Variants in NRXN1 observed in about 807,000 individuals in gnomAD.
NRXN1 encodes the protein neurexin-1.
Under a neutral mutation model 150.9 loss-of-function variants are expected in NRXN1, and 39 were observed. The ratio of observed to expected loss-of-function variants is 0.26; its 90% CI spans 0.20 to 0.34. The LOEUF (loss-of-function observed/expected upper bound fraction) is 0.34. NRXN1 is among the 10% of genes least tolerant of loss of function. The pLI, the probability that NRXN1 is intolerant of heterozygous loss-of-function variation, is 1.00. For synonymous variants in NRXN1, 924 were observed against 757.0 expected (o/e 1.22, Z -3.62); for missense variants, 1,815 against 1,949.9 (o/e 0.93, Z 1.30).
At chr2:50,493,713 A>G (rs183533211) in intron 15 of NRXN1, among the ~76,000 whole-genome samples, 1 of 152,250 alleles carries the variant, frequency 6.6e-6, no homozygotes, top group African/African-American at 2.4e-5. Context: ...TCACATACCC[A>G]ATTTGTTAGC....
chr2:50,974,196 A>G (rs1472952034), intron 2 of NRXN1, among the ~76,000 whole-genome samples: 2 of 152,160 alleles, frequency 1.3e-5, no homozygotes, highest in Admixed American at 1.3e-4. Flanking sequence ...TACTATTTCA[A>G]TAAAAGTTAT....
chr2:50,005,591 T>C (rs1334722549), intron 21 of NRXN1, among the ~76,000 whole-genome samples: 1 of 152,028 alleles, frequency 6.6e-6, no homozygotes, highest in Admixed American at 6.6e-5. Context: ...GCAAATAACT[T>C]CTCATTACTA....
intron 18 of NRXN1, among the ~76,000 whole-genome samples, chr2:50,214,840 C>G (rs912292782): frequency 2.0e-5 from 3 of 152,080 alleles, no homozygotes; most frequent in African/African-American, 7.2e-5. Context: ...CATTCACATC[C>G]TGTTTCATTC....
At chr2:50,284,404 G>C (rs145619084) in intron 17 of NRXN1, among the ~76,000 whole-genome samples, 2 of 152,092 alleles carry the variant, frequency 1.3e-5, no homozygotes, top group East Asian at 3.9e-4. Context: ...ACTAGGTCAG[G>C]GTTTCCCATT....
intron 5 of NRXN1, among the ~76,000 whole-genome samples, chr2:50,767,014 C>T (rs929258877): frequency 9.2e-5 from 14 of 152,012 alleles, no homozygotes; most frequent in Admixed American, 1.3e-4. Flanking sequence ...ACTGGCTAGA[C>T]AAAAGATTCC....
chr2:50,421,085 T>C (rs1467110261), intron 17 of NRXN1, among the ~76,000 whole-genome samples: 1 of 151,570 alleles, frequency 6.6e-6, no homozygotes, highest in East Asian at 1.9e-4. Context: ...GGACCCCTGT[T>C]ATTTGCTAGG....
chr2:50,887,949 G>A (rs1309847222), intron 5 of NRXN1, among the ~76,000 whole-genome samples: 3 of 146,694 alleles, frequency 2.0e-5, no homozygotes, highest in African/African-American at 5.0e-5. Flanking sequence ...AAAACAATAA[G>A]GTACCTTTTA....
At chr2:50,315,911 T>C (rs563907513) in intron 17 of NRXN1, among the ~76,000 whole-genome samples, 41 of 152,070 alleles carry the variant, frequency 2.7e-4, no homozygotes, top group Non-Finnish European at 4.7e-4. Flanking sequence ...GACAGAAGAA[T>C]AAAGTTTAAA....
At position 50,219,335 on chromosome 2, in the gene NRXN1, T is replaced by C. The variant is rs190515591; in HGVS notation, c.3546+17454A>G. 3.3e-3 allele frequency among the ~76,000 whole-genome samples: 481 copies of C among 144,732 alleles called. 2 individuals carry two copies. The highest frequency in any genetic ancestry group is 4.3e-3 in the Non-Finnish European group (286 of 66,302). 94.9% of individuals were successfully genotyped at this position (144,732 alleles called of 152,430 possible). On this transcript the variant is annotated intron_variant, in intron 18 of 22. Transcript: ENST00000401669. Reference sequence around the variant, plus strand: ...TTTTGTGGGGAGACTAATATTCCAATACAAAACTGTGTTCTGTTTTGGGGA... The same window carrying C: ...TTTTGTGGGGAGACTAATATTCCAACACAAAACTGTGTTCTGTTTTGGGGA...
At chr2:50,045,639 G>C (rs1691687085) in intron 21 of NRXN1, among the ~76,000 whole-genome samples, 1 of 152,146 alleles carries the variant, frequency 6.6e-6, no homozygotes, top group South Asian at 2.1e-4. Context: ...AAGTATTACA[G>C]AACAATTTGT....
intron 17 of NRXN1, among the ~76,000 whole-genome samples, chr2:50,428,978 G>A (rs12475335): frequency 0.28 from 41,769 of 151,828 alleles, 5,939 homozygotes; most frequent in East Asian, 0.39. Flanking sequence ...AAAAGCATGC[G>A]GGTATTAAAT....
chr2:50,291,204 C>T (rs533315071), intron 17 of NRXN1, among the ~76,000 whole-genome samples: 3 of 151,698 alleles, frequency 2.0e-5, no homozygotes, highest in Non-Finnish European at 4.4e-5. Flanking sequence ...ACGTGCTTCC[C>T]ACTTTCAGGA....
intron 22 of NRXN1, among the ~76,000 whole-genome samples, chr2:49,929,130 G>C (rs970208488): frequency 1.3e-5 from 2 of 152,104 alleles, no homozygotes; most frequent in African/African-American, 4.8e-5. Context: ...AGAGATCTAG[G>C]TATTGAATGG....
At chr2:50,069,846 G>GTTTTTTTTT (rs1467398706) in intron 19 of NRXN1, among the ~76,000 whole-genome samples, 8 of 66,300 alleles carry the variant, frequency 1.2e-4, no homozygotes, top group African/African-American at 6.7e-4. Flanking sequence ...AGATTTTGGG[G>GTTTTTTTTT]GTTTTTTTTT....
intron 5 of NRXN1, among the ~76,000 whole-genome samples, chr2:50,723,250 A>G (rs1464438496): frequency 1.3e-5 from 2 of 152,220 alleles, no homozygotes; most frequent in African/African-American, 4.8e-5. Context: ...AATGCAGAAT[A>G]AGACCTGAAA....
intron 5 of NRXN1, among the ~76,000 whole-genome samples, chr2:50,809,175 G>T (rs185821653): frequency 6.6e-6 from 1 of 152,064 alleles, no homozygotes; most frequent in Non-Finnish European, 1.5e-5. Flanking sequence ...ATGCTACGAA[G>T]TTGTTAGAAT....
At chr2:50,601,117 G>C (rs1676198479) in intron 8 of NRXN1, among the ~76,000 whole-genome samples, 1 of 151,838 alleles carries the variant, frequency 6.6e-6, no homozygotes, top group African/African-American at 2.4e-5. Flanking sequence ...TAATCTCACT[G>C]TGCCTTAATT....
intron 17 of NRXN1, among the ~76,000 whole-genome samples, chr2:50,276,908 C>T (rs1391913231): frequency 6.6e-6 from 1 of 152,054 alleles, no homozygotes; most frequent in Non-Finnish European, 1.5e-5. Context: ...TCTCTTTGGC[C>T]ATTTCAATCC....
At chr2:50,308,822 G>T (rs1157424080) in intron 17 of NRXN1, among the ~76,000 whole-genome samples, 5 of 152,112 alleles carry the variant, frequency 3.3e-5, no homozygotes, top group Non-Finnish European at 7.4e-5. Flanking sequence ...GACAGATTTG[G>T]GTTAATGATC....
Sources: allele counts gnomAD v4.1 joint callset (sites outside exome capture counted in the v4.1 genomes callset), GRCh38; gene constraint gnomAD v4.1.1; transcripts MANE v1.5; gene names NCBI Gene and HGNC (gene_info 2026-07-23, HGNC 2026-07-21).